Variants in CAGE1 observed in about 807,000 individuals in gnomAD.
CAGE1 encodes cancer-associated gene 1 protein.
A neutral mutation model predicts 94.9 loss-of-function variants in CAGE1; 66 were observed. The observed-to-expected ratio is 0.70, with a 90% CI of 0.57 to 0.85. The LOEUF (loss-of-function observed/expected upper bound fraction) is 0.85. Among genes scored for constraint, CAGE1 ranks in the 40% least tolerant of loss-of-function variants. CAGE1 has a pLI of 0.00. For synonymous variants in CAGE1, 319 were observed against 321.0 expected, an observed-to-expected ratio of 0.99 and a Z score of 0.07; for missense variants, 865 against 950.4, an observed-to-expected ratio of 0.91 and a Z score of 1.18.
At chr6:7,336,366 T>C (rs576386628) in intron 11 of CAGE1, among the ~76,000 whole-genome samples, 1 of 152,276 alleles carries the variant, frequency 6.6e-6, no homozygotes, top group South Asian at 2.1e-4. Flanking sequence ...CCTACCTAAA[T>C]GGAGTCCTTG....
chr6:7,379,724 T>C (rs1334641427), intron 3 of CAGE1, among the ~76,000 whole-genome samples: 1 of 152,280 alleles, frequency 6.6e-6, no homozygotes. Flanking sequence ...CCATTCCCAT[T>C]TTACTTTTAC....
chr6:7,372,787 A>G (rs56128756), intron 5 of CAGE1, among the ~76,000 whole-genome samples: 67,350 of 151,654 alleles, frequency 0.44, 15,512 homozygotes, highest in African/African-American at 0.57. Context: ...CCCCATCTCA[A>G]CCTCCCGAAT....
chr6:7,338,803 T>A (rs563712473), intron 11 of CAGE1: 10 of 864,286 alleles, frequency 1.2e-5, no homozygotes, highest in African/African-American at 1.1e-4. Context: ...CAGAGCAACA[T>A]CCAGACTCCA....
chr6:7,341,243 CA>C, intron 11 of CAGE1: 2 of 674,094 alleles, frequency 3.0e-6, no homozygotes, highest in Admixed American at 1.9e-5. Context: ...TGGAGGTAGC[CA>C]AAGGTGCTCA....
intron 9 of CAGE1, among the ~76,000 whole-genome samples, chr6:7,356,425 C>T (rs953775238): frequency 7.9e-5 from 12 of 152,180 alleles, no homozygotes; most frequent in African/African-American, 2.7e-4. Context: ...CCAAATCTTC[C>T]TTATCGTCTT....
intron 4 of CAGE1, among the ~76,000 whole-genome samples, chr6:7,375,835 C>T (rs529289397): frequency 4.6e-5 from 7 of 152,304 alleles, no homozygotes; most frequent in Admixed American, 4.6e-4. Flanking sequence ...CATCCTTCTG[C>T]AGAACCTTGT....
chr6:7,384,693 T>C (rs1332020876), intron 3 of CAGE1, among the ~76,000 whole-genome samples: 1 of 152,012 alleles, frequency 6.6e-6, no homozygotes, highest in African/African-American at 2.4e-5. Context: ...AATAACAGAT[T>C]TGGGGTTAAA....
intron 9 of CAGE1, among the ~76,000 whole-genome samples, chr6:7,361,125 A>G (rs974260479): frequency 2.0e-4 from 31 of 152,222 alleles, no homozygotes; most frequent in African/African-American, 7.0e-4. Context: ...AGTTACATAA[A>G]TAATGACAAA....
At chr6:7,364,370 C>T (rs1487829053) in intron 9 of CAGE1, among the ~76,000 whole-genome samples, 1 of 152,176 alleles carries the variant, frequency 6.6e-6, no homozygotes, top group Non-Finnish European at 1.5e-5. Flanking sequence ...TTTCTAGATT[C>T]CTTAGTACCA....
chr6:7,367,170 C>T lies in CAGE1; in HGVS notation c.2005-1286G>A, dbSNP rs537790072. Among the ~76,000 whole-genome samples the T allele has an allele frequency of 7.2e-5, 11 of 152,116 alleles. No homozygotes were observed. The South Asian group carries it at 2.1e-3, about 29-fold the overall frequency. On this transcript the variant is annotated intron_variant, in intron 7 of 13. Coordinates refer to ENST00000502583, the MANE Select transcript of CAGE1 (RefSeq NM_001170692.2). The stretch of plus-strand genomic sequence containing the variant: ...ATCACTGCCCTCTTCCCTCCATCCC[C>T]CTTCACTGAATCAAACTGCAGACAT...
chr6:7,346,714 G>A (rs909178968), intron 11 of CAGE1, among the ~76,000 whole-genome samples: 8 of 151,500 alleles, frequency 5.3e-5, no homozygotes, highest in Non-Finnish European at 1.0e-4. Flanking sequence ...GCCAGGTGTG[G>A]TAGTGCACAC....
intron 11 of CAGE1, chr6:7,341,610 G>C: frequency 1.2e-6 from 1 of 834,812 alleles, no homozygotes; most frequent in East Asian, 2.7e-5. Flanking sequence ...CCACAGCAAG[G>C]TGGAACAGAT....
At chr6:7,348,999 C>T (rs183663951) in intron 11 of CAGE1, among the ~76,000 whole-genome samples, 3 of 152,222 alleles carry the variant, frequency 2.0e-5, no homozygotes, top group East Asian at 1.9e-4. Flanking sequence ...GGGGAATAAT[C>T]GAGGAAAACT....
chr6:7,330,390 T>TA (rs953413695), intron 12 of CAGE1, among the ~76,000 whole-genome samples: 11 of 151,706 alleles, frequency 7.3e-5, no homozygotes, highest in Admixed American at 2.0e-4. Flanking sequence ...TCATCTCAAA[T>TA]AAAAAAATAC....
chr6:7,355,057 G>A lies in CAGE1; in HGVS notation c.2353C>T (p.His785Tyr). ...TCAACTTACTGTGCAATCTGGGAGT[G>A]GGATATTGCAAGCCTTTGGTCAGCA... ...ECADQRLAIS[H>Y]SQIAHLEERN... The change falls in exon 11 of 14, where the codon CAC becomes TAC. Residue 785 changes from histidine to tyrosine, a missense_variant. Transcript: ENST00000502583. 3.1e-6 allele frequency: 5 copies of A among 1,606,930 alleles called. No homozygotes were observed. Among genetic ancestry groups the A allele is most frequent in the South Asian group, 1.1e-5 (1 of 89,674 alleles).
chr6:7,333,583 A>G (rs907123496), intron 12 of CAGE1, among the ~76,000 whole-genome samples: 1 of 133,154 alleles, frequency 7.5e-6, no homozygotes, highest in African/African-American at 3.2e-5. Context: ...TTTACCTTAA[A>G]TTGAGATAAG....
At chr6:7,353,994 A>G (rs1003028284) in intron 11 of CAGE1, among the ~76,000 whole-genome samples, 1 of 152,082 alleles carries the variant, frequency 6.6e-6, no homozygotes, top group African/African-American at 2.4e-5. Flanking sequence ...GGTGCAGTGT[A>G]TACTGACTGG....
chr6:7,332,454 A>G (rs999790406), intron 12 of CAGE1, among the ~76,000 whole-genome samples: 2 of 152,090 alleles, frequency 1.3e-5, no homozygotes, highest in African/African-American at 4.8e-5. Flanking sequence ...AGATAACTCA[A>G]CTCTCAACTG....
In CAGE1 at chr6:7,365,569, C is replaced by A. The variant is rs775261044; in HGVS notation, c.2092G>T (p.Asp698Tyr). ...CTCTTGGCTTCATCTGAATCACAGT[C>A]TATGACCTGAGATTAAATATATTTG... ...AFQDHAIKVI[D>Y]CDSDEAKSIR... Residue 698 changes from aspartate to tyrosine, a missense_variant, in exon 9 of 14, where the codon GAC (aspartate) becomes TAC (tyrosine). By Grantham distance (160) the Asp-to-Tyr change is radical (BLOSUM62 -3). Transcript: ENST00000502583. 9.3e-6 allele frequency: 15 copies of A among 1,607,562 alleles called. No individual in the cohort carries two copies. The highest frequency in any genetic ancestry group is 1.3e-5 in the Non-Finnish European group (15 of 1,174,870).
Sources: gnomAD v4.1 joint callset for allele counts (sites outside exome capture counted in the v4.1 genomes callset) on GRCh38, gnomAD v4.1.1 for gene constraint, MANE v1.5 for transcripts, NCBI Gene and HGNC (gene_info 2026-07-23, HGNC 2026-07-21) for gene names.